Variants in CCDC102B observed in about 807,000 individuals in gnomAD.
CCDC102B encodes the protein coiled-coil domain containing 102B.
Under a neutral mutation model 57.4 loss-of-function variants are expected in CCDC102B, and 75 were observed. The observed-to-expected ratio is 1.31, with a 90% CI of 1.08 to 1.58. The LOEUF is 1.58. CCDC102B is among the 40% of genes most tolerant of loss of function. CCDC102B has a pLI of 0.00. For synonymous variants in CCDC102B, 206 were observed against 201.9 expected (o/e 1.02, Z -0.17); for missense variants, 636 against 582.6 (o/e 1.09, Z -0.94).
chr18:69,010,579 T>C (rs1227567887), intron 6 of CCDC102B, among the ~76,000 whole-genome samples: 1 of 152,072 alleles, frequency 6.6e-6, no homozygotes, highest in Non-Finnish European at 1.5e-5. Flanking sequence ...ATCTGCTGAG[T>C]TAGTGGATGA....
At chr18:69,026,194 G>T (rs551257425) in intron 7 of CCDC102B, among the ~76,000 whole-genome samples, 157 of 152,248 alleles carry the variant, frequency 1.0e-3, no homozygotes, top group Non-Finnish European at 1.9e-3. Flanking sequence ...TGCCGGGCAC[G>T]GTGGCTCACG....
At chr18:68,869,803 A>C (rs891595348) in intron 4 of CCDC102B, among the ~76,000 whole-genome samples, 1 of 151,936 alleles carries the variant, frequency 6.6e-6, no homozygotes, top group Non-Finnish European at 1.5e-5. Context: ...TCCCATGCCT[A>C]TGTCCTGAAT....
chr18:68,875,756 C>T (rs563695832), intron 5 of CCDC102B, among the ~76,000 whole-genome samples: 37 of 152,164 alleles, frequency 2.4e-4, no homozygotes, highest in Middle Eastern at 3.4e-3. Context: ...TAATAATAAT[C>T]ATGAAACAGG....
chr18:69,002,482 C>T (rs902303435), intron 6 of CCDC102B, among the ~76,000 whole-genome samples: 3 of 152,142 alleles, frequency 2.0e-5, no homozygotes, highest in African/African-American at 7.2e-5. Context: ...ATGCAGGCAA[C>T]CACAGTTCTC....
At chr18:68,908,680 T>C (rs1022206989) in intron 6 of CCDC102B, 1 of 152,178 alleles carries the variant, frequency 6.6e-6, no homozygotes, top group African/African-American at 2.4e-5. Flanking sequence ...GTTAGAGTAA[T>C]CACAACTTAT....
chr18:68,726,356 C>A lies in CCDC102B; in HGVS notation c.-67+9762C>A, dbSNP rs544466096. On this transcript the variant is annotated intron_variant, in intron 2 of 3. Coordinates refer to the CCDC102B transcript ENST00000578970. ...GCTAACTAACATATGCCTACAGCAA[C>A]AAAAAATTACCGCCTTAATTAAGGA... Among the ~76,000 whole-genome samples the A allele has an allele frequency of 6.1e-3, 934 of 152,222 alleles. 14 individuals are homozygous for A. The highest frequency in any genetic ancestry group is 0.015 in the African/African-American group (609 of 41,520).
intron 2 of CCDC102B, among the ~76,000 whole-genome samples, chr18:68,717,056 G>A (rs936598546): frequency 2.1e-5 from 3 of 145,506 alleles, no homozygotes; most frequent in Admixed American, 7.0e-5. Context: ...CAGCCTGGGC[G>A]ACAGAGCAAG....
intron 6 of CCDC102B, among the ~76,000 whole-genome samples, chr18:68,905,624 C>A (rs867496853): frequency 6.6e-6 from 1 of 151,798 alleles, no homozygotes; most frequent in Admixed American, 6.6e-5. Flanking sequence ...AAAGCACTTT[C>A]ATCACCCTAT....
intron 4 of CCDC102B, among the ~76,000 whole-genome samples, chr18:68,851,791 A>G (rs965324182): frequency 6.6e-6 from 1 of 152,208 alleles, no homozygotes; most frequent in Admixed American, 6.5e-5. Flanking sequence ...GACTAAAAAT[A>G]TATAAGGAGT....
intron 7 of CCDC102B, among the ~76,000 whole-genome samples, chr18:69,039,443 T>C (rs565378189): frequency 6.6e-6 from 1 of 152,080 alleles, no homozygotes; most frequent in South Asian, 2.1e-4. Flanking sequence ...ATAGGTTACT[T>C]ACTAAAATAA....
intron 7 of CCDC102B, among the ~76,000 whole-genome samples, chr18:69,043,511 T>A (rs180993976): frequency 3.9e-3 from 599 of 152,104 alleles, no homozygotes; most frequent in Non-Finnish European, 6.7e-3. Flanking sequence ...TAGGCAGAGG[T>A]CCCTGCGGCC....
At chr18:68,746,546 G>A (rs1177976768) in intron 2 of CCDC102B, among the ~76,000 whole-genome samples, 1 of 152,036 alleles carries the variant, frequency 6.6e-6, no homozygotes, top group Non-Finnish European at 1.5e-5. Context: ...GGCTTCAGAG[G>A]TAATAACAGC....
chr18:68,860,707 C>T (rs977562111), intron 4 of CCDC102B, among the ~76,000 whole-genome samples: 7 of 101,194 alleles, frequency 6.9e-5, no homozygotes, highest in Non-Finnish European at 1.6e-4. Flanking sequence ...GTCAGTGATG[C>T]TCTCCCTATC....
chr18:68,960,771 C>T (rs149143686), intron 6 of CCDC102B, among the ~76,000 whole-genome samples: 24 of 152,294 alleles, frequency 1.6e-4, no homozygotes, highest in African/African-American at 5.5e-4. Flanking sequence ...CTTGTTGTAG[C>T]TTTGCACTGT....
chr18:69,039,085 G>A (rs938547730), intron 7 of CCDC102B, among the ~76,000 whole-genome samples: 7 of 151,916 alleles, frequency 4.6e-5, no homozygotes, highest in African/African-American at 1.4e-4. Context: ...TTACCACGTT[G>A]CAACCATATG....
intron 1 of CCDC102B, among the ~76,000 whole-genome samples, chr18:68,811,820 G>A (rs1299941973): frequency 6.6e-6 from 1 of 152,112 alleles, no homozygotes; most frequent in African/African-American, 2.4e-5. Context: ...ACTGCAGGTC[G>A]ACTCTCAGAG....
chr18:68,966,467 T>G (rs895273300), intron 6 of CCDC102B, among the ~76,000 whole-genome samples: 2 of 152,150 alleles, frequency 1.3e-5, no homozygotes, highest in African/African-American at 4.8e-5. Context: ...GGTTTTACTT[T>G]GTTATTGCTA....
chr18:68,968,208 A>G (rs2050210732), intron 6 of CCDC102B, among the ~76,000 whole-genome samples: 1 of 152,174 alleles, frequency 6.6e-6, no homozygotes, highest in Non-Finnish European at 1.5e-5. Flanking sequence ...CATGTAGGCC[A>G]TATAGTATAG....
At chr18:68,895,121 A>G (rs893694750) in intron 5 of CCDC102B, among the ~76,000 whole-genome samples, 9 of 151,848 alleles carry the variant, frequency 5.9e-5, no homozygotes, top group African/African-American at 1.9e-4. Flanking sequence ...TATTAATCTT[A>G]ACAATGAAAG....
Sources: gnomAD v4.1 joint callset for allele counts (sites outside exome capture counted in the v4.1 genomes callset) on GRCh38, gnomAD v4.1.1 for gene constraint, MANE v1.5 for transcripts, NCBI Gene and HGNC (gene_info 2026-07-23, HGNC 2026-07-21) for gene names.